USP6NL: variants seen among roughly 807,000 people sequenced by gnomAD.
USP6NL encodes the protein USP6 N-terminal-like protein.
Under a neutral mutation model 61.9 loss-of-function variants are expected in USP6NL, and 26 were observed. That is an observed-to-expected ratio of 0.42 (90% CI 0.31 to 0.58). USP6NL has a LOEUF of 0.58. Among genes scored for constraint, USP6NL ranks in the 20% least tolerant of loss-of-function variants. USP6NL has a pLI of 0.16. For synonymous variants in USP6NL, 432 were observed against 390.1 expected, an observed-to-expected ratio of 1.11 and a Z score of -1.27; for missense variants, 1,114 against 1,034.3, an observed-to-expected ratio of 1.08 and a Z score of -1.06.
chr10:11,505,839 T>C (rs960084942), intron 6 of USP6NL, among the ~76,000 whole-genome samples: 4 of 152,208 alleles, frequency 2.6e-5, no homozygotes, highest in African/African-American at 9.7e-5. Context: ...GTGTGCGCCA[T>C]GAAACAGAGG....
rs1042210655 is a variant in USP6NL, at chr10:11,596,643, C to G, written c.4+988G>C. Among the ~76,000 whole-genome samples the G allele has an allele frequency of 6.6e-6, 1 of 151,060 alleles. No individual in the cohort carries two copies. The highest frequency in any genetic ancestry group is 1.5e-5 in the Non-Finnish European group (1 of 67,730). ...CGTCTCAAAAAAAAAAAAAAAAACTCTTTCTTAATCTGTACTGAACTCATC... is the reference window on the plus strand; with the variant it reads ...CGTCTCAAAAAAAAAAAAAAAAACTGTTTCTTAATCTGTACTGAACTCATC... On this transcript the variant is annotated intron_variant, in intron 2 of 14. Coordinates refer to ENST00000609104, the MANE Select transcript of USP6NL (RefSeq NM_014688.5). The surrounding 1 kb of genome is among the most constrained non-coding windows in gnomAD (Gnocchi z 4.1).
At chr10:11,509,456 G>A (rs943533345) in intron 6 of USP6NL, 139 bp downstream of exon 6, 1 of 672,028 alleles carries the variant, frequency 1.5e-6, no homozygotes, top group East Asian at 2.8e-5. Context: ...CTCCTAATTC[G>A]AGGCATACTG....
At chr10:11,599,728 CTTTT>C (rs1167014471) in intron 1 of USP6NL, among the ~76,000 whole-genome samples, 1 of 135,726 alleles carries the variant, frequency 7.4e-6, no homozygotes, top group South Asian at 2.4e-4. Context: ...CTCCAACCTA[CTTTT>C]TTTTTTTTTT....
intron 13 of USP6NL, among the ~76,000 whole-genome samples, chr10:11,484,233 C>G (rs907251620): frequency 6.6e-6 from 1 of 152,058 alleles, no homozygotes; most frequent in African/African-American, 2.4e-5. Flanking sequence ...TTCTGCATAG[C>G]TACAAGAGAA....
Position 11,562,781 on chromosome 10 carries a change from T to C in USP6NL, c.4+34850A>G, listed in dbSNP as rs1221121505. 5.1e-6 allele frequency: 5 copies of C among 985,068 alleles called. No individual in the cohort carries two copies. Among genetic ancestry groups the C allele is most frequent in the Non-Finnish European group, 6.0e-6 (5 of 829,612 alleles). The allele number at this position is 985,068 out of a possible 1,614,324, so 61.0% of individuals were successfully genotyped here. A position where few individuals can be genotyped will look rare whatever the true frequency, so the allele number is the denominator to read the frequency against. ...GTACAATCATAAGTGAATTGCCTAA[T>C]TTCTCAGTATTCTAGTTTTATTAGG... On this transcript the variant is annotated intron_variant, in intron 2 of 14. Transcript: ENST00000609104. The surrounding 1 kb of genome is among the most constrained non-coding windows in gnomAD (Gnocchi z 4.8).
chr10:11,549,095 A>G (rs1836392159), intron 2 of USP6NL, among the ~76,000 whole-genome samples: 2 of 152,122 alleles, frequency 1.3e-5, no homozygotes, highest in South Asian at 4.1e-4. Context: ...TTAAAAGACT[A>G]TTAAATTACT....
chr10:11,572,119 A>G (rs931880080), intron 2 of USP6NL, among the ~76,000 whole-genome samples: 1 of 151,954 alleles, frequency 6.6e-6, no homozygotes, highest in African/African-American at 2.4e-5. Flanking sequence ...TATTCCAAGT[A>G]ACTATGATTG....
At chr10:11,473,445 A>G (rs879929274) in intron 14 of USP6NL, among the ~76,000 whole-genome samples, 6 of 152,200 alleles carry the variant, frequency 3.9e-5, no homozygotes, top group Admixed American at 3.9e-4. Context: ...GAGGCCAGGC[A>G]CCGGCTGAGA....
rs548713634 is a variant in USP6NL at position 11,463,112 on chromosome 10, T to C, written c.1816A>G (p.Lys606Glu). ...CGTGCATGACTTGGAGGCTGTACTT[T>C]AAAAGTAAACTTGTTGGATACTTTT... is the stretch of plus-strand genomic sequence containing the variant. ...PSKVSNKFTF[K>E]VQPPSHARYP... Residue 606 changes from lysine to glutamate, a missense_variant, in exon 15 of 15, where the codon AAA (lysine) becomes GAA (glutamate). Coordinates refer to ENST00000609104, the MANE Select transcript of USP6NL (RefSeq NM_014688.5). This position sits in a 1 kb window ranked among gnomAD's most constrained non-coding sequence, Gnocchi z 6.3. 6 of 1,614,020 alleles carry C rather than the reference T, an allele frequency of 3.7e-6. No homozygotes were observed. The highest frequency in any genetic ancestry group is 5.1e-6 in the Non-Finnish European group (6 of 1,179,894).
At position 11,462,391 on chromosome 10, in the gene USP6NL, G is replaced by C. The variant is rs749998346; in HGVS notation, c.*50C>G. On this transcript the variant is annotated 3_prime_UTR_variant, in exon 15 of 15. Coordinates refer to ENST00000609104, the MANE Select transcript of USP6NL (RefSeq NM_014688.5). ...CTTTGGCAATTATGAACATAGCAAT[G>C]TAGGTTTCACGTGGTTTCTCTCTCG... 1 of 1,571,016 alleles carries C rather than the reference G, an allele frequency of 6.4e-7. No homozygotes were observed. Among genetic ancestry groups the C allele is most frequent in the East Asian group, 2.2e-5 (1 of 44,566 alleles).
Position 11,478,911 on chromosome 10 carries a change from T to TAAAAAAAAAAAAAAAAAAAAAAAAAAA in USP6NL, c.1078+2858_1078+2859insTTTTTTTTTTTTTTTTTTTTTTTTTTT, listed in dbSNP as rs1407238488. Among the ~76,000 whole-genome samples, 3 of 135,350 alleles carry TAAAAAAAAAAAAAAAAAAAAAAAAAAA rather than the reference T, an allele frequency of 2.2e-5. No individual in the cohort carries two copies. Among genetic ancestry groups the TAAAAAAAAAAAAAAAAAAAAAAAAAAA allele is most frequent in the Admixed American group, 7.1e-5 (1 of 13,992 alleles). 88.8% of individuals were successfully genotyped at this position (135,350 alleles called of 152,430 possible). A position where few individuals can be genotyped will look rare whatever the true frequency, so the allele number is the denominator to read the frequency against. On this transcript the variant is annotated intron_variant, in intron 14 of 14. Coordinates refer to ENST00000609104, the MANE Select transcript of USP6NL (RefSeq NM_014688.5). This position sits in a 1 kb window ranked among gnomAD's most constrained non-coding sequence, Gnocchi z 6.8. ...ACAGAGTGAGACCCTGTCTCATGTT[T>TAAAAAAAAAAAAAAAAAAAAAAAAAAA]AAAAAGTGTAACTGGAAAAGCAGAG... is the stretch of plus-strand genomic sequence containing the variant.
At chr10:11,568,150 TGTGTG>T (rs1279961350) in intron 2 of USP6NL, among the ~76,000 whole-genome samples, 3 of 39,142 alleles carry the variant, frequency 7.7e-5, no homozygotes, top group African/African-American at 1.4e-4. Flanking sequence ...GGGAGGTAGT[TGTGTG>T]TGTGTGTGTG....
In USP6NL at chr10:11,562,317, A is replaced by G. The variant is rs1566182643; in HGVS notation, c.5-34750T>C. Reference sequence around the variant, plus strand: ...GACCCCCCTGCAGCTAGCAGCAGCCATGTGACACAGTTCCGGCTGATGGCT... The same window carrying G: ...GACCCCCCTGCAGCTAGCAGCAGCCGTGTGACACAGTTCCGGCTGATGGCT... On this transcript the variant is annotated intron_variant, in intron 2 of 14. Coordinates refer to ENST00000609104, the MANE Select transcript of USP6NL (RefSeq NM_014688.5). The surrounding 1 kb of genome is among the most constrained non-coding windows in gnomAD (Gnocchi z 4.8). 1 of 913,464 alleles carries G rather than the reference A, an allele frequency of 1.1e-6. No individual in the cohort carries two copies. Among genetic ancestry groups the G allele is most frequent in the Non-Finnish European group, 1.3e-6 (1 of 764,320 alleles). 56.6% of individuals were successfully genotyped at this position (913,464 alleles called of 1,614,324 possible).
chr10:11,506,801 T>A (rs1357793016), intron 6 of USP6NL, among the ~76,000 whole-genome samples: 1 of 152,134 alleles, frequency 6.6e-6, no homozygotes, highest in East Asian at 1.9e-4. Flanking sequence ...GGGCTATATT[T>A]TTATTTCAAA....
chr10:11,594,082 C>T (rs975445628), intron 2 of USP6NL, among the ~76,000 whole-genome samples: 1 of 152,098 alleles, frequency 6.6e-6, no homozygotes, highest in African/African-American at 2.4e-5. Flanking sequence ...TATTTTTTAG[C>T]CTGTACCACA....
chr10:11,586,054 A>C (rs561568126), intron 2 of USP6NL, among the ~76,000 whole-genome samples: 1 of 152,334 alleles, frequency 6.6e-6, no homozygotes, highest in East Asian at 1.9e-4. Context: ...TACACACTTA[A>C]AAAATGGCTA....
intron 2 of USP6NL, among the ~76,000 whole-genome samples, chr10:11,567,162 T>C (rs766071863): frequency 3.3e-5 from 5 of 152,248 alleles, no homozygotes. Context: ...AAATAGTCCA[T>C]TGCAGTCAAT....
intron 7 of USP6NL, among the ~76,000 whole-genome samples, chr10:11,500,152 T>C (rs1307435770): frequency 2.0e-5 from 3 of 151,974 alleles, no homozygotes; most frequent in Admixed American, 6.6e-5. Context: ...GAACAAAACA[T>C]AGTGGGGCCT....
intron 4 of USP6NL, among the ~76,000 whole-genome samples, chr10:11,521,177 A>C (rs1310854894): frequency 6.6e-6 from 1 of 152,008 alleles, no homozygotes; most frequent in Non-Finnish European, 1.5e-5. Context: ...AAAATTAATA[A>C]GTTGACTATA....
Sources: gnomAD v4.1 joint callset for allele counts (sites outside exome capture counted in the v4.1 genomes callset) on GRCh38, gnomAD v4.1.1 for gene constraint, Gnocchi (gnomAD v3.1) non-coding constraint, MANE v1.5 for transcripts, NCBI Gene and HGNC (gene_info 2026-07-23, HGNC 2026-07-21) for gene names.